Variants in CEP89 observed in about 807,000 individuals in gnomAD.
CEP89 encodes centrosomal protein of 89 kDa.
Under a neutral mutation model 97.6 loss-of-function variants are expected in CEP89, and 95 were observed. The ratio of observed to expected loss-of-function variants is 0.97; its 90% CI spans 0.82 to 1.15. CEP89 has a LOEUF of 1.15. Ranked by LOEUF, CEP89 falls within the 50% of genes most tolerant of loss-of-function variation. CEP89 has a pLI of 0.00. For missense variants in CEP89, 869 were observed against 947.7 expected, an observed-to-expected ratio of 0.92 and a Z score of 1.09; for synonymous variants, 354 against 349.1, an observed-to-expected ratio of 1.01 and a Z score of -0.16.
intron 5 of CEP89, among the ~76,000 whole-genome samples, chr19:32,943,768 G>C (rs1599763300): frequency 6.6e-6 from 1 of 152,120 alleles, no homozygotes; most frequent in Non-Finnish European, 1.5e-5. Flanking sequence ...TAAAAGAACA[G>C]CAGAGTAGCT....
chr19:32,913,307 TTTTTTG>T (rs759267315), intron 14 of CEP89, among the ~76,000 whole-genome samples: 7,287 of 19,298 alleles, frequency 0.38, 238 homozygotes, highest in South Asian at 0.52. Flanking sequence ...ATATATATAT[TTTTTTG>T]TTGTTGTTGT....
At chr19:32,925,319 A>C (rs1470072391) in intron 11 of CEP89, among the ~76,000 whole-genome samples, 3 of 152,184 alleles carry the variant, frequency 2.0e-5, no homozygotes, top group African/African-American at 7.2e-5. Flanking sequence ...AGTCATTCCC[A>C]CAAAACGGCG....
chr19:32,961,043 A>G (rs1971156696), intron 2 of CEP89, among the ~76,000 whole-genome samples: 1 of 152,172 alleles, frequency 6.6e-6, no homozygotes, highest in Non-Finnish European at 1.5e-5. Flanking sequence ...ACAGTGCAGC[A>G]CACAAGTGTG....
intron 15 of CEP89, among the ~76,000 whole-genome samples, chr19:32,900,505 C>T (rs904254030): frequency 2.6e-5 from 4 of 152,044 alleles, no homozygotes; most frequent in African/African-American, 9.7e-5. Context: ...CTCAAGTGAC[C>T]TGCCCATCTC....
At position 32,881,831 on chromosome 19, in the gene CEP89, G is replaced by C. The variant is rs753458762; in HGVS notation, c.2135+13C>G. 2 of 1,594,218 alleles carry C rather than the reference G, an allele frequency of 1.3e-6. No homozygotes were observed. Among genetic ancestry groups the C allele is most frequent in the South Asian group, 2.2e-5 (2 of 89,336 alleles). On this transcript the variant is annotated intron_variant, in intron 18 of 18. Transcript: ENST00000305768. ...ACATCTCTGCGGGCCATGGCGCAGG[G>C]CGCATGCCCCACCTGTTCTGCTGCA...
chr19:32,963,007 A>G (rs2145972939), intron 2 of CEP89, among the ~76,000 whole-genome samples: 1 of 152,350 alleles, frequency 6.6e-6, no homozygotes, highest in African/African-American at 2.4e-5. Flanking sequence ...AAAAAGATAT[A>G]AAGATGACAA....
chr19:32,891,105 C>A (rs112432987), intron 16 of CEP89, among the ~76,000 whole-genome samples: 2 of 152,170 alleles, frequency 1.3e-5, no homozygotes, highest in African/African-American at 4.8e-5. Flanking sequence ...AGCAAGGGAG[C>A]CGAAGCAAGT....
At chr19:32,941,119 T>C (rs1411874946) in intron 5 of CEP89, among the ~76,000 whole-genome samples, 1 of 151,956 alleles carries the variant, frequency 6.6e-6, no homozygotes, top group Non-Finnish European at 1.5e-5. Context: ...CAGCTGAAAA[T>C]AAACTGGAAA....
chr19:32,896,065 C>G (rs1294962941), intron 16 of CEP89, among the ~76,000 whole-genome samples: 1 of 152,170 alleles, frequency 6.6e-6, no homozygotes, highest in African/African-American at 2.4e-5. Flanking sequence ...AGATTCAGTG[C>G]AATCCCTATC....
Position 32,971,956 on chromosome 19 carries a change from G to T in CEP89, c.-82C>A, listed in dbSNP as rs994345941. The T allele has an allele frequency of 4.8e-6, 7 of 1,465,740 alleles. No homozygotes were observed. Among genetic ancestry groups the T allele is most frequent in the Non-Finnish European group, 6.5e-6 (7 of 1,069,096 alleles). The allele number at this position is 1,465,740 out of a possible 1,614,324, so 90.8% of individuals were successfully genotyped here. On this transcript the variant is annotated 5_prime_UTR_variant, in exon 1 of 19. Coordinates refer to ENST00000305768, the MANE Select transcript of CEP89 (RefSeq NM_032816.5). ...AGCCAGGGACCACTCCCTAAAGCCC[G>T]CCGCAGGCCCAGCCCTCACGCTTTC...
At chr19:32,879,758 C>T (rs1336542575) in intron 18 of CEP89, among the ~76,000 whole-genome samples, 1 of 152,212 alleles carries the variant, frequency 6.6e-6, no homozygotes, top group East Asian at 1.9e-4. Flanking sequence ...GCAGGGCTGG[C>T]CTTGGCCAGC....
At chr19:32,955,850 T>C (rs1407554926) in intron 3 of CEP89, among the ~76,000 whole-genome samples, 1 of 152,024 alleles carries the variant, frequency 6.6e-6, no homozygotes, top group Non-Finnish European at 1.5e-5. Flanking sequence ...GTGTGAACAT[T>C]TTGTGTCTAC....
At chr19:32,943,642 C>T (rs1046927238) in intron 5 of CEP89, among the ~76,000 whole-genome samples, 1 of 151,784 alleles carries the variant, frequency 6.6e-6, no homozygotes, top group Non-Finnish European at 1.5e-5. Context: ...AAAAGTCAAA[C>T]CCCACAACTC....
At chr19:32,925,387 T>C (rs969391725) in intron 11 of CEP89, among the ~76,000 whole-genome samples, 2 of 151,830 alleles carry the variant, frequency 1.3e-5, no homozygotes, top group African/African-American at 4.8e-5. Context: ...AGCTCAGCAA[T>C]CAGACTTCCC....
At chr19:32,925,079 T>C (rs943156422) in intron 11 of CEP89, among the ~76,000 whole-genome samples, 1 of 152,180 alleles carries the variant, frequency 6.6e-6, no homozygotes, top group Admixed American at 6.5e-5. Flanking sequence ...CCATGGGACA[T>C]GGACACGGGA....
At chr19:32,879,413 A>C (rs1969232123) in intron 18 of CEP89, 35 bp from the exon 19 acceptor site, 1 of 1,550,110 alleles carries the variant, frequency 6.5e-7, no homozygotes, top group African/African-American at 1.4e-5. Flanking sequence ...CACAATTTTA[A>C]AAATAATATA....
intron 14 of CEP89, among the ~76,000 whole-genome samples, chr19:32,908,977 T>G (rs1006610166): frequency 6.6e-6 from 1 of 152,224 alleles, no homozygotes. Context: ...ATGGGTATTT[T>G]GTCTTGCTTT....
intron 14 of CEP89, among the ~76,000 whole-genome samples, chr19:32,912,026 G>C (rs1219831552): frequency 2.6e-5 from 4 of 151,858 alleles, no homozygotes; most frequent in African/African-American, 4.8e-5. Flanking sequence ...CAGGAGTTCA[G>C]GACCAGCTTG....
intron 7 of CEP89, among the ~76,000 whole-genome samples, chr19:32,935,757 C>G (rs1242074312): frequency 6.6e-6 from 1 of 152,156 alleles, no homozygotes; most frequent in Admixed American, 6.5e-5. Flanking sequence ...CTCCATGGAG[C>G]AGGCAGGAGC....
Sources: allele counts gnomAD v4.1 joint callset (sites outside exome capture counted in the v4.1 genomes callset), GRCh38; gene constraint gnomAD v4.1.1; transcripts MANE v1.5; gene names NCBI Gene and HGNC (gene_info 2026-07-23, HGNC 2026-07-21).